Variants in PLEKHA8 observed in about 807,000 individuals in gnomAD.
The protein encoded by PLEKHA8 is pleckstrin homology domain containing A8.
PLEKHA8 carries 36 observed loss-of-function variants against 68.2 expected under a neutral mutation model. The observed-to-expected ratio is 0.53, with a 90% confidence interval of 0.40 to 0.70. The LOEUF (loss-of-function observed/expected upper bound fraction) is 0.70. Ranked by LOEUF, PLEKHA8 falls within the 30% of genes least tolerant of loss-of-function variation. PLEKHA8 has a pLI of 0.00. For missense variants in PLEKHA8, 505 were observed against 615.4 expected, an observed-to-expected ratio of 0.82 and a Z score of 1.90; for synonymous variants, 211 against 216.1, an observed-to-expected ratio of 0.98 and a Z score of 0.20.
rs948071841 is a variant in PLEKHA8 at position 30,116,254 on chromosome 7, G to A, written c.1363-13012G>A. 2.7e-5 allele frequency among the ~76,000 whole-genome samples: 4 copies of A among 146,986 alleles called. 1 individual carries two copies. The highest frequency in any genetic ancestry group is 6.8e-3 in the Middle Eastern group (2 of 296). On this transcript the variant is annotated intron_variant, in intron 13 of 13. Transcript: ENST00000396257. ...TACATGTATGCGTATACATGTACAC[G>A]TATACATGCATACATGTATGTATGT... is the stretch of plus-strand genomic sequence containing the variant.
rs1794847981 is a variant in PLEKHA8, at chr7:30,080,102, G to A, written c.*1315G>A. On this transcript the variant is annotated 3_prime_UTR_variant, in exon 14 of 14. Transcript: ENST00000449726. The stretch of plus-strand genomic sequence containing the variant: ...TCGGTTTAATCACCAAAAGTGCAGA[G>A]CAGGCAAAATGCAGCTGTTTATCAA... 1.0e-6 allele frequency: 1 copy of A among 985,290 alleles called. No individual in the cohort carries two copies. Among genetic ancestry groups the A allele is most frequent in the Non-Finnish European group, 1.2e-6 (1 of 829,906 alleles). The allele number at this position is 985,290 out of a possible 1,614,324, so 61.0% of individuals were successfully genotyped here.
At chr7:30,121,051 G>T (rs1173154259) in intron 13 of PLEKHA8, among the ~76,000 whole-genome samples, 1 of 151,828 alleles carries the variant, frequency 6.6e-6, no homozygotes, top group Non-Finnish European at 1.5e-5. Flanking sequence ...TATTTAATCT[G>T]TGGGAAAAAT....
At chr7:30,065,034 C>T (rs1291435671) in intron 12 of PLEKHA8, among the ~76,000 whole-genome samples, 1 of 152,214 alleles carries the variant, frequency 6.6e-6, no homozygotes, top group African/African-American at 2.4e-5. Flanking sequence ...AACCCCAATT[C>T]TGCCCACTTT....
At chr7:30,110,154 C>T (rs931466812) in intron 13 of PLEKHA8, among the ~76,000 whole-genome samples, 1 of 152,004 alleles carries the variant, frequency 6.6e-6, no homozygotes, top group East Asian at 1.9e-4. Context: ...AAGAGCAACC[C>T]TGTACTTATT....
chr7:30,048,341 A>G (rs1792129962), intron 4 of PLEKHA8, among the ~76,000 whole-genome samples: 1 of 152,188 alleles, frequency 6.6e-6, no homozygotes, highest in Non-Finnish European at 1.5e-5. Context: ...ACAGTCTTGC[A>G]GAGCCATTTC....
rs921361364 is a variant in PLEKHA8, at chr7:30,028,680, G to A, written c.-83G>A. ...GGCGTCTGGGCAGCGCCAGGCGATG[G>A]CCCTGCTGCTGGTGCTCCTCGCCTC... is the stretch of plus-strand genomic sequence containing the variant. On this transcript the variant is annotated 5_prime_UTR_variant, in exon 1 of 14. Coordinates refer to ENST00000449726, the MANE Select transcript of PLEKHA8 (RefSeq NM_001197026.2). 4.5e-5 allele frequency: 48 copies of A among 1,077,612 alleles called. No homozygotes were observed. The highest frequency in any genetic ancestry group is 5.4e-5 in the Non-Finnish European group (45 of 840,574). 66.8% of individuals were successfully genotyped at this position (1,077,612 alleles called of 1,614,324 possible). A position where few individuals can be genotyped will look rare whatever the true frequency, so the allele number is the denominator to read the frequency against.
chr7:30,055,468 AC>A, intron 9 of PLEKHA8, 126 bp downstream of exon 9: 1 of 781,164 alleles, frequency 1.3e-6, no homozygotes, highest in Non-Finnish European at 2.2e-6. Flanking sequence ...TGTTCAAATC[AC>A]CAGACACATA....
rs186760820 is a variant in PLEKHA8 at position 30,080,308 on chromosome 7, C to T, written c.*1521C>T. 2.0e-4 allele frequency: 194 copies of T among 985,394 alleles called. 2 individuals are homozygous for T. The African/African-American group carries it at 3.3e-3, about 17-fold the overall frequency. 61.0% of individuals were successfully genotyped at this position (985,394 alleles called of 1,614,324 possible). Reference sequence around the variant, plus strand: ...AGTAGACCATGCTGCCTCGAGTGTGCATCGGAGAGAAGCCATGGGTACCTT... The same window carrying T: ...AGTAGACCATGCTGCCTCGAGTGTGTATCGGAGAGAAGCCATGGGTACCTT... On this transcript the variant is annotated 3_prime_UTR_variant, in exon 14 of 14. Coordinates refer to ENST00000449726, the MANE Select transcript of PLEKHA8 (RefSeq NM_001197026.2).
Position 30,081,092 on chromosome 7 carries a change from ATT to A in PLEKHA8, c.*2307_*2308del, listed in dbSNP as rs1794909886. On this transcript the variant is annotated 3_prime_UTR_variant, in exon 14 of 14. Transcript: ENST00000449726. ...AAGCTGCTCAGCATGGCCATTTTGC[ATT>A]TGTATAGGTAGTGACTAGATGTACA... The A allele has an allele frequency of 2.0e-6, 2 of 985,216 alleles. No homozygotes were observed. Among genetic ancestry groups the A allele is most frequent in the African/African-American group, 3.5e-5 (2 of 57,222 alleles). The allele number at this position is 985,216 out of a possible 1,614,324, so 61.0% of individuals were successfully genotyped here. A position where few individuals can be genotyped will look rare whatever the true frequency, so the allele number is the denominator to read the frequency against.
In PLEKHA8 at chr7:30,082,573, C is replaced by T. The variant is rs1042459378; in HGVS notation, c.*3786C>T. 3.0e-6 allele frequency: 3 copies of T among 985,170 alleles called. No homozygotes were observed. The African/African-American group carries it at 5.2e-5, about 17-fold the overall frequency. 61.0% of individuals were successfully genotyped at this position (985,170 alleles called of 1,614,324 possible). On this transcript the variant is annotated 3_prime_UTR_variant, in exon 14 of 14. Transcript: ENST00000449726. ...GAGGAGTGCAGCGGAAAAAAATTTG[C>T]ACTCTTCTCCTTTTGGTTATTACTT...
chr7:30,117,892 T>C, intron 13 of PLEKHA8: 1 of 993,416 alleles, frequency 1.0e-6, no homozygotes, highest in Non-Finnish European at 1.5e-6. Flanking sequence ...TCCTGTAGAT[T>C]AAAGATTGCC....
chr7:30,028,455 A>T lies in PLEKHA8; in HGVS notation c.-308A>T. ...CTGCGACCGGCAGCTCGTTCGCCGCACTTTGGAGGCTTCGGCTGCCCCTCC... is the reference window on the plus strand; with the variant it reads ...CTGCGACCGGCAGCTCGTTCGCCGCTCTTTGGAGGCTTCGGCTGCCCCTCC... On this transcript the variant is annotated 5_prime_UTR_variant, in exon 1 of 14. Transcript: ENST00000449726. 3.3e-6 allele frequency: 1 copy of T among 304,400 alleles called. No individual in the cohort carries two copies. Among genetic ancestry groups the T allele is most frequent in the Non-Finnish European group, 6.0e-6 (1 of 165,716 alleles). The allele number at this position is 304,400 out of a possible 1,614,324, so 18.9% of individuals were successfully genotyped here. A position where few individuals can be genotyped will look rare whatever the true frequency, so the allele number is the denominator to read the frequency against.
chr7:30,028,833 CG>C (rs1380533097), intron 1 of PLEKHA8, 31 bp downstream of exon 1: 5 of 1,253,254 alleles, frequency 4.0e-6, no homozygotes, highest in Non-Finnish European at 2.0e-6. Flanking sequence ...GGGGGCGCGC[CG>C]GGGGCCGGTC....
rs1795028053 is a variant in PLEKHA8, at chr7:30,083,164, C to T, written c.*4377C>T. The T allele has an allele frequency of 2.0e-6, 2 of 983,254 alleles. No individual in the cohort carries two copies. The highest frequency in any genetic ancestry group is 2.4e-6 in the Non-Finnish European group (2 of 828,142). The allele number at this position is 983,254 out of a possible 1,614,324, so 60.9% of individuals were successfully genotyped here. ...GTCTTAGAGGGCCTGACTTCAGATACTCTTTGTGATCTTGTAAGGGCTCTA... is the reference window on the plus strand; with the variant it reads ...GTCTTAGAGGGCCTGACTTCAGATATTCTTTGTGATCTTGTAAGGGCTCTA... On this transcript the variant is annotated 3_prime_UTR_variant, in exon 14 of 14. Transcript: ENST00000449726.
intron 4 of PLEKHA8, among the ~76,000 whole-genome samples, chr7:30,048,368 A>C (rs947889384): frequency 1.3e-5 from 2 of 152,210 alleles, no homozygotes; most frequent in African/African-American, 4.8e-5. Flanking sequence ...TATGGCTATT[A>C]AGATGCCAAC....
At chr7:30,098,830 CCACT>C (rs1211786002) in intron 13 of PLEKHA8, among the ~76,000 whole-genome samples, 1 of 152,246 alleles carries the variant, frequency 6.6e-6, no homozygotes, top group Non-Finnish European at 1.5e-5. Flanking sequence ...TGCGCTGCAC[CCACT>C]GTCCGGCACT....
Position 30,080,333 on chromosome 7 carries a change from TC to T in PLEKHA8, c.*1550del. ...CATCGGAGAGAAGCCATGGGTACCT[TC>T]CCCATTAGAGGCTACTTCCTTCTAG... On this transcript the variant is annotated 3_prime_UTR_variant, in exon 14 of 14. Transcript: ENST00000449726. The T allele has an allele frequency of 1.0e-6, 1 of 985,328 alleles. No individual in the cohort carries two copies. Among genetic ancestry groups the T allele is most frequent in the Non-Finnish European group, 1.2e-6 (1 of 829,914 alleles). 61.0% of individuals were successfully genotyped at this position (985,328 alleles called of 1,614,324 possible).
rs953448382 is a variant in PLEKHA8 at position 30,041,568 on chromosome 7, A to T, written c.41-3517A>T. Among the ~76,000 whole-genome samples the T allele has an allele frequency of 3.3e-5, 5 of 151,816 alleles. No homozygotes were observed. In the South Asian group the frequency reaches 6.2e-4, roughly 19 times the overall value. ...ATCACCTTGCCCAGCTAGTTTTTAA[A>T]ATTTTTTGTTGAGACAGGGTCTCAC... On this transcript the variant is annotated intron_variant, in intron 1 of 13. Transcript: ENST00000449726.
At chr7:30,050,616 C>T (rs1006903898) in intron 6 of PLEKHA8, 142 bp downstream of exon 6, 11 of 1,170,402 alleles carry the variant, frequency 9.4e-6, no homozygotes, top group Non-Finnish European at 1.3e-5. Context: ...ATCTGACTTT[C>T]CTCTTTTGAG....
Sources: gnomAD v4.1 joint callset for allele counts (sites outside exome capture counted in the v4.1 genomes callset) on GRCh38, gnomAD v4.1.1 for gene constraint, MANE v1.5 for transcripts, NCBI Gene and HGNC (gene_info 2026-07-23, HGNC 2026-07-21) for gene names.